ENTPD4: variants seen among roughly 807,000 people sequenced by gnomAD.
ENTPD4 encodes ectonucleoside triphosphate diphosphohydrolase 4.
ENTPD4 carries 60 observed loss-of-function variants against 79.1 expected under a neutral mutation model. That is an observed-to-expected ratio of 0.76 (90% CI 0.62 to 0.94). The LOEUF (loss-of-function observed/expected upper bound fraction) is 0.94. Ranked by LOEUF, ENTPD4 falls within the 40% of genes least tolerant of loss-of-function variation. The probability of loss-of-function intolerance (pLI) is 0.00; values close to 1 mark genes in which losing one functional copy is unlikely to be tolerated. For missense variants in ENTPD4, 772 were observed against 775.1 expected (o/e 1.00, Z 0.05); for synonymous variants, 276 against 292.0 (o/e 0.95, Z 0.56).
intron 1 of ENTPD4, among the ~76,000 whole-genome samples, chr8:23,453,224 C>A (rs545531175): frequency 6.6e-6 from 1 of 152,084 alleles, no homozygotes; most frequent in Admixed American, 6.5e-5. Context: ...CATATTGTAC[C>A]ATGTACCCCA....
chr8:23,441,369 C>A (rs185216670), intron 8 of ENTPD4, 200 bp downstream of exon 8: 1 of 975,748 alleles, frequency 1.0e-6, no homozygotes, highest in Admixed American at 6.2e-5. Flanking sequence ...GAAAACAAAC[C>A]AGCTGATTTC....
intron 6 of ENTPD4, 49 bp from the exon 7 acceptor site, chr8:23,442,115 T>C (rs773917737): frequency 7.4e-7 from 1 of 1,357,660 alleles, no homozygotes; most frequent in Non-Finnish European, 1.1e-6. Flanking sequence ...TAAAACATTT[T>C]GTGTAACTCC....
intron 1 of ENTPD4, among the ~76,000 whole-genome samples, chr8:23,453,274 C>T (rs1800896949): frequency 6.6e-6 from 1 of 151,434 alleles, no homozygotes; most frequent in Non-Finnish European, 1.5e-5. Flanking sequence ...AAAGTTTACA[C>T]AAAAAGTAAA....
At chr8:23,452,465 A>G (rs1446753597) in intron 1 of ENTPD4, among the ~76,000 whole-genome samples, 1 of 152,238 alleles carries the variant, frequency 6.6e-6, no homozygotes, top group African/African-American at 2.4e-5. Context: ...CTGTCCAATG[A>G]GGCAGCCACT....
Position 23,435,375 on chromosome 8 carries a change from G to A in ENTPD4, c.1460+17C>T. ...TGGTTCTTAAGAGTGCCCTGGGCTT[G>A]ACCTTCTAGTACTTACTTAAGCCTG... On this transcript the variant is annotated intron_variant, in intron 11 of 12. Transcript: ENST00000358689. The A allele has an allele frequency of 6.3e-7, 1 of 1,595,744 alleles. No homozygotes were observed. Among genetic ancestry groups the A allele is most frequent in the Non-Finnish European group, 8.6e-7 (1 of 1,164,024 alleles).
intron 4 of ENTPD4, among the ~76,000 whole-genome samples, chr8:23,445,675 T>C (rs77850220): frequency 2.0e-5 from 3 of 152,364 alleles, no homozygotes; most frequent in African/African-American, 7.2e-5. Flanking sequence ...GCTTACTTCC[T>C]TTTGCTAGAT....
intron 6 of ENTPD4, among the ~76,000 whole-genome samples, chr8:23,443,237 A>G (rs1011182928): frequency 1.1e-4 from 16 of 152,044 alleles, no homozygotes; most frequent in African/African-American, 3.6e-4. Flanking sequence ...TCTGGTACCT[A>G]AAACCCTCAT....
chr8:23,434,770 T>G, intron 11 of ENTPD4: 6 of 1,169,716 alleles, frequency 5.1e-6, no homozygotes, highest in Non-Finnish European at 6.5e-6. Context: ...CATTTCACCA[T>G]GTACTCCTTG....
At position 23,439,842 on chromosome 8, in the gene ENTPD4, C is replaced by T. The variant is rs751906606; in HGVS notation, c.956G>A (p.Arg319Gln). The T allele has an allele frequency of 5.6e-6, 9 of 1,613,960 alleles. No homozygotes were observed. Among genetic ancestry groups the T allele is most frequent in the East Asian group, 4.5e-5 (2 of 44,902 alleles). ...CDVHQTEHVY[R>Q]VYVATFLGFG... ...CCCAAGAAACGTGGCCACATAGACT[C>T]GATACACATGCTCAGTTTGGTGAAC... Residue 319 changes from arginine to glutamine, a missense_variant, in exon 9 of 13, where the codon CGA becomes CAA. Physicochemically the swap from Arg to Gln is conservative, Grantham distance 43. Coordinates refer to ENST00000358689, the MANE Select transcript of ENTPD4 (RefSeq NM_004901.5).
intron 1 of ENTPD4, among the ~76,000 whole-genome samples, chr8:23,450,630 A>G (rs1366210797): frequency 6.6e-6 from 1 of 152,174 alleles, no homozygotes; most frequent in African/African-American, 2.4e-5. Context: ...CTCTGGAATA[A>G]CTGCTGCTCA....
intron 4 of ENTPD4, among the ~76,000 whole-genome samples, chr8:23,446,933 A>G (rs1192101606): frequency 6.6e-6 from 1 of 152,210 alleles, no homozygotes; most frequent in African/African-American, 2.4e-5. Context: ...TTAATACATT[A>G]GTAAGATGAC....
chr8:23,432,915 T>A lies in ENTPD4; in HGVS notation c.*11A>T. The A allele has an allele frequency of 6.3e-7, 1 of 1,578,634 alleles. No individual in the cohort carries two copies. Among genetic ancestry groups the A allele is most frequent in the Non-Finnish European group, 8.6e-7 (1 of 1,160,574 alleles). On this transcript the variant is annotated 3_prime_UTR_variant, in exon 13 of 13. Coordinates refer to ENST00000358689, the MANE Select transcript of ENTPD4 (RefSeq NM_004901.5). The stretch of plus-strand genomic sequence containing the variant: ...TTTTCCTTTTGAGTCTTCGTGGAGC[T>A]GTGAGCTGGATCACAAGGTCCCCGG...
In ENTPD4 at chr8:23,442,946, C is replaced by T. The variant is rs1011486926; in HGVS notation, c.668-880G>A. On this transcript the variant is annotated intron_variant, in intron 6 of 12. Transcript: ENST00000358689. ...CTGTTAACATTCCCGCCACTCCTTC[C>T]AGAAGGGCCACCACCCAGTCAAACT... Among the ~76,000 whole-genome samples, 11 of 152,258 alleles carry T rather than the reference C, an allele frequency of 7.2e-5. No homozygotes were observed. In the South Asian group the frequency reaches 2.1e-3, roughly 29 times the overall value.
At chr8:23,453,466 T>C (rs1479553158) in intron 1 of ENTPD4, among the ~76,000 whole-genome samples, 4 of 152,342 alleles carry the variant, frequency 2.6e-5, no homozygotes, top group East Asian at 3.9e-4. Context: ...AACCTTTACA[T>C]AGCCAGTTAT....
chr8:23,444,421 C>T (rs1323561340), intron 5 of ENTPD4, 35 bp downstream of exon 5: 1 of 1,596,896 alleles, frequency 6.3e-7, no homozygotes, highest in Non-Finnish European at 8.6e-7. Context: ...CCTCCAGGAA[C>T]CCACCCTCAC....
Position 23,432,524 on chromosome 8 carries a change from A to T in ENTPD4, c.*402T>A. On this transcript the variant is annotated 3_prime_UTR_variant, in exon 13 of 13. Transcript: ENST00000358689. ...AATGCATTTTTTTTTTTTGAGACGG[A>T]GTCTCACTCTGTCGCCCAGGCTGGA... 2.1e-6 allele frequency: 2 copies of T among 963,396 alleles called. No homozygotes were observed. The highest frequency in any genetic ancestry group is 2.5e-6 in the Non-Finnish European group (2 of 810,690). The allele number at this position is 963,396 out of a possible 1,614,324, so 59.7% of individuals were successfully genotyped here.
chr8:23,430,529 A>G lies in ENTPD4; in HGVS notation c.*2397T>C. 1 of 983,346 alleles carries G rather than the reference A, an allele frequency of 1.0e-6. No homozygotes were observed. Among genetic ancestry groups the G allele is most frequent in the Admixed American group, 6.1e-5 (1 of 16,288 alleles). 60.9% of individuals were successfully genotyped at this position (983,346 alleles called of 1,614,324 possible). A position where few individuals can be genotyped will look rare whatever the true frequency, so the allele number is the denominator to read the frequency against. On this transcript the variant is annotated 3_prime_UTR_variant, in exon 13 of 13. Transcript: ENST00000358689. ...AGCAAACTTTTTCTGTAAATATTTT[A>G]GTAAATATTCTAGGCTTTACAGGCC...
chr8:23,432,204 A>C lies in ENTPD4; in HGVS notation c.*722T>G, dbSNP rs1800466983. ...TCACCCTCTTCAGGTTAGAGCTTTC[A>C]AGATAGAGAAAAAAGAGGATTATCA... On this transcript the variant is annotated 3_prime_UTR_variant, in exon 13 of 13. Transcript: ENST00000358689. 3.1e-6 allele frequency: 3 copies of C among 982,406 alleles called. No individual in the cohort carries two copies. The highest frequency in any genetic ancestry group is 3.6e-6 in the Non-Finnish European group (3 of 829,584). The allele number at this position is 982,406 out of a possible 1,614,324, so 60.9% of individuals were successfully genotyped here. A position where few individuals can be genotyped will look rare whatever the true frequency, so the allele number is the denominator to read the frequency against.
chr8:23,434,080 A>G, intron 12 of ENTPD4: 1 of 513,196 alleles, frequency 1.9e-6, no homozygotes. Context: ...GTTGAGAATA[A>G]CCAAACACAG....
Sources: allele counts gnomAD v4.1 joint callset (sites outside exome capture counted in the v4.1 genomes callset), GRCh38; gene constraint gnomAD v4.1.1; transcripts MANE v1.5; gene names NCBI Gene and HGNC (gene_info 2026-07-23, HGNC 2026-07-21).